DENND11: variants seen among roughly 807,000 people sequenced by gnomAD.
The protein encoded by DENND11 is DENN domain-containing protein 11.
A neutral mutation model predicts 49.2 loss-of-function variants in DENND11; 34 were observed. The ratio of observed to expected loss-of-function variants is 0.69; its 90% CI spans 0.53 to 0.92. The LOEUF (loss-of-function observed/expected upper bound fraction) is 0.92. Ranked by LOEUF, DENND11 falls within the 40% of genes least tolerant of loss-of-function variation. DENND11 has a pLI of 0.00. For synonymous variants in DENND11, 238 were observed against 230.3 expected (o/e 1.03, Z -0.30); for missense variants, 475 against 581.6 (o/e 0.82, Z 1.88).
At chr7:141,701,720 TG>T in intron 1 of DENND11, 165 bp downstream of exon 1, 1 of 474,672 alleles carries the variant, frequency 2.1e-6, no homozygotes, top group Non-Finnish European at 3.0e-6. Context: ...AGCTGAGGAC[TG>T]GCCGACCCCC....
intron 3 of DENND11, among the ~76,000 whole-genome samples, chr7:141,679,229 C>T (rs1024093607): frequency 3.9e-5 from 6 of 152,180 alleles, no homozygotes; most frequent in African/African-American, 1.4e-4. Context: ...CCCTCTTTAA[C>T]CACCAAGCTG....
At chr7:141,682,008 C>T (rs972328788) in intron 3 of DENND11, among the ~76,000 whole-genome samples, 2 of 152,212 alleles carry the variant, frequency 1.3e-5, no homozygotes, top group African/African-American at 4.8e-5. Flanking sequence ...GAACTAGTGA[C>T]CATCCGTATT....
At chr7:141,698,137 A>G (rs1398610299) in intron 1 of DENND11, among the ~76,000 whole-genome samples, 1 of 152,236 alleles carries the variant, frequency 6.6e-6, no homozygotes, top group African/African-American at 2.4e-5. Context: ...AAAGATGTCC[A>G]GACATTGTAT....
At position 141,662,492 on chromosome 7, in the gene DENND11, G is replaced by A; in HGVS notation, c.*164C>T. ...CCAAGGTGATCTCACCTTATCTCTA[G>A]GGAAAAGGGCAGAAAGGAAATTGCA... On this transcript the variant is annotated 3_prime_UTR_variant, in exon 9 of 9. Coordinates refer to ENST00000536163, the MANE Select transcript of DENND11 (RefSeq NM_001080392.2). The A allele has an allele frequency of 1.0e-5, 5 of 480,326 alleles. No individual in the cohort carries two copies. Among genetic ancestry groups the A allele is most frequent in the Non-Finnish European group, 1.8e-5 (5 of 280,630 alleles). 29.8% of individuals were successfully genotyped at this position (480,326 alleles called of 1,614,324 possible). A position where few individuals can be genotyped will look rare whatever the true frequency, so the allele number is the denominator to read the frequency against.
chr7:141,676,795 C>A (rs1486151643), intron 3 of DENND11, among the ~76,000 whole-genome samples: 2 of 152,164 alleles, frequency 1.3e-5, no homozygotes, highest in African/African-American at 4.8e-5. Flanking sequence ...GGTGAACTTA[C>A]CTACAAGAAT....
intron 3 of DENND11, among the ~76,000 whole-genome samples, chr7:141,676,349 A>G (rs1227213468): frequency 6.6e-6 from 1 of 152,210 alleles, no homozygotes; most frequent in Non-Finnish European, 1.5e-5. Context: ...GGCTGTGTCA[A>G]GGGAAATATT....
chr7:141,694,321 C>A (rs1318179900), intron 1 of DENND11, among the ~76,000 whole-genome samples: 1 of 152,044 alleles, frequency 6.6e-6, no homozygotes, highest in Non-Finnish European at 1.5e-5. Context: ...AGTGCAGTGG[C>A]CCAATCATAG....
intron 1 of DENND11, among the ~76,000 whole-genome samples, chr7:141,693,748 C>T (rs1346536763): frequency 6.6e-6 from 1 of 152,108 alleles, no homozygotes; most frequent in Non-Finnish European, 1.5e-5. Context: ...CCTGAAAAGG[C>T]TACATACTAT....
At chr7:141,663,210 T>TCAA (rs985699859) in intron 8 of DENND11, 4 of 192,318 alleles carry the variant, frequency 2.1e-5, no homozygotes, top group Non-Finnish European at 3.1e-5. Flanking sequence ...AAGCAAAAAT[T>TCAA]CAACAACAAC....
At chr7:141,685,029 A>AAATATAT (rs1305276426) in intron 3 of DENND11, among the ~76,000 whole-genome samples, 6 of 91,546 alleles carry the variant, frequency 6.6e-5, no homozygotes, top group African/African-American at 8.6e-5. Flanking sequence ...AAAAAAAAAA[A>AAATATAT]ATATATATAT....
At chr7:141,687,720 C>T (rs146003497) in intron 1 of DENND11, among the ~76,000 whole-genome samples, 12,521 of 149,904 alleles carry the variant, frequency 0.084, 752 homozygotes, top group South Asian at 0.32. Flanking sequence ...ATGCAAGCTC[C>T]GCCTCCCAGG....
chr7:141,664,022 G>T, intron 8 of DENND11, 150 bp downstream of exon 8: 2 of 584,868 alleles, frequency 3.4e-6, no homozygotes, highest in Non-Finnish European at 6.1e-6. Flanking sequence ...CAGGGCTCAG[G>T]TTTGCCTCTG....
At chr7:141,679,707 T>TAAA (rs5888011) in intron 3 of DENND11, among the ~76,000 whole-genome samples, 2 of 116,652 alleles carry the variant, frequency 1.7e-5, no homozygotes, top group Admixed American at 8.7e-5. Flanking sequence ...AGCGAAACTT[T>TAAA]AAAAAAAAAA....
At position 141,657,888 on chromosome 7, in the gene DENND11, T is replaced by A. The variant is rs959290663; in HGVS notation, c.*4768A>T. ...TGCCAGTTATAACACTACCTCCCACTCCCACCTCTCTCAAGAAAGAGGCCT... is the reference window on the plus strand; with the variant it reads ...TGCCAGTTATAACACTACCTCCCACACCCACCTCTCTCAAGAAAGAGGCCT... On this transcript the variant is annotated 3_prime_UTR_variant, in exon 9 of 9. Transcript: ENST00000536163. The A allele has an allele frequency of 6.6e-6, 1 of 152,568 alleles. No individual in the cohort carries two copies. The highest frequency in any genetic ancestry group is 2.4e-5 in the African/African-American group (1 of 41,418). The allele number at this position is 152,568 out of a possible 1,614,324, so 9.5% of individuals were successfully genotyped here.
intron 3 of DENND11, among the ~76,000 whole-genome samples, chr7:141,674,491 G>T (rs1360187922): frequency 1.3e-5 from 2 of 152,182 alleles, no homozygotes; most frequent in Non-Finnish European, 2.9e-5. Flanking sequence ...GAAACAGACA[G>T]AATTAACAGA....
chr7:141,669,196 G>C (rs1435649418), intron 4 of DENND11, among the ~76,000 whole-genome samples: 1 of 150,314 alleles, frequency 6.7e-6, no homozygotes, highest in Admixed American at 6.6e-5. Flanking sequence ...TTTTCCCTCT[G>C]AAACATTCCT....
chr7:141,658,491 G>A lies in DENND11; in HGVS notation c.*4165C>T, dbSNP rs958282260. ...GGTACGGGGAGAAGACAGGAGGGCTGGCCATTTGGCAGAATCCAAGCCTAC... is the reference window on the plus strand; with the variant it reads ...GGTACGGGGAGAAGACAGGAGGGCTAGCCATTTGGCAGAATCCAAGCCTAC... On this transcript the variant is annotated 3_prime_UTR_variant, in exon 9 of 9. Transcript: ENST00000536163. 8 of 152,204 alleles carry A rather than the reference G, an allele frequency of 5.3e-5. No individual in the cohort carries two copies. The highest frequency in any genetic ancestry group is 5.2e-4 in the Admixed American group (8 of 15,280). 9.4% of individuals were successfully genotyped at this position (152,204 alleles called of 1,614,324 possible). A position where few individuals can be genotyped will look rare whatever the true frequency, so the allele number is the denominator to read the frequency against.
intron 3 of DENND11, 90 bp downstream of exon 3, chr7:141,685,388 G>A: frequency 6.1e-6 from 9 of 1,464,238 alleles, no homozygotes; most frequent in Non-Finnish European, 7.5e-6. Context: ...CTGCTGCTCT[G>A]GCACGCAAAT....
chr7:141,674,259 AGT>A, intron 3 of DENND11, 39 bp from the exon 4 acceptor site: 1 of 1,505,016 alleles, frequency 6.6e-7, no homozygotes, highest in African/African-American at 1.4e-5. Context: ...ACACACACAC[AGT>A]GAGAACAGCC....
Sources: gnomAD v4.1 joint callset for allele counts (sites outside exome capture counted in the v4.1 genomes callset) on GRCh38, gnomAD v4.1.1 for gene constraint, MANE v1.5 for transcripts, NCBI Gene and HGNC (gene_info 2026-07-23, HGNC 2026-07-21) for gene names.